PIN4: variants seen among roughly 807,000 people sequenced by gnomAD.
The protein encoded by PIN4 is peptidylprolyl cis/trans isomerase, NIMA-interacting 4.
A neutral mutation model predicts 8.3 loss-of-function variants in PIN4; 3 were observed. That is an observed-to-expected ratio of 0.36 (90% CI 0.16 to 0.93). The LOEUF (loss-of-function observed/expected upper bound fraction) is 0.93. Ranked by LOEUF, PIN4 falls within the 40% of genes least tolerant of loss-of-function variation. The pLI is 0.44. For synonymous variants in PIN4, 18 were observed against 32.5 expected (o/e 0.55, Z 1.52); for missense variants, 75 against 100.6 (o/e 0.75, Z 1.09).
chrX:72,189,201 C>T (rs572983315), intron 2 of PIN4, among the ~76,000 whole-genome samples: 1 of 111,198 alleles, frequency 9.0e-6, no homozygotes, highest in Admixed American at 9.6e-5. Flanking sequence ...AGAAATAATA[C>T]GTATTCCTTT....
chrX:72,213,191 GCTGA>G (rs769493553), intron 3 of PIN4, among the ~76,000 whole-genome samples: 2 of 111,211 alleles, frequency 1.8e-5, no homozygotes, highest in Non-Finnish European at 3.8e-5. Flanking sequence ...GATTTCCTAG[GCTGA>G]CTAAGAATTC....
intron 3 of PIN4, among the ~76,000 whole-genome samples, chrX:72,228,863 C>G (rs1291714892): frequency 9.0e-6 from 1 of 111,429 alleles, no homozygotes; most frequent in Non-Finnish European, 1.9e-5. Flanking sequence ...TGCGAACTAA[C>G]TCTTCCTTTG....
chrX:72,257,745 C>T (rs774354690), intron 3 of PIN4, among the ~76,000 whole-genome samples: 18 of 111,396 alleles, frequency 1.6e-4, no homozygotes, highest in African/African-American at 4.9e-4. Flanking sequence ...TGGGCTATAC[C>T]CCTGCCCTTC....
intron 3 of PIN4, among the ~76,000 whole-genome samples, chrX:72,230,635 C>T (rs763966123): frequency 2.7e-5 from 3 of 112,032 alleles, no homozygotes; most frequent in East Asian, 5.6e-4. Context: ...GAAAAGGGAA[C>T]GCTTGTATAC....
intron 3 of PIN4, chrX:72,206,681 A>C: frequency 8.3e-7 from 1 of 1,211,415 alleles, no homozygotes; most frequent in Non-Finnish European, 1.1e-6. Flanking sequence ...TGTTGAATAT[A>C]GTGAGATTCT....
chrX:72,205,067 G>A lies in PIN4; in HGVS notation c.312+8163G>A, dbSNP rs749928252. 7.4e-5 allele frequency: 89 copies of A among 1,208,775 alleles called. 1 individual carries two copies. In the Admixed American group the frequency reaches 1.8e-3, roughly 25 times the overall value. On this transcript the variant is annotated intron_variant, in intron 3 of 3. Transcript: ENST00000423432. ...CTTAAAGTCAAGAGCATAACTTCAG[G>A]ATCTGCACTTTTTATGTCAAGCGCT...
chrX:72,232,582 G>A (rs896472549), intron 3 of PIN4, among the ~76,000 whole-genome samples: 4 of 112,236 alleles, frequency 3.6e-5, no homozygotes, highest in African/African-American at 1.3e-4. Context: ...GCCAAGGCAG[G>A]CAGATCACCT....
At chrX:72,250,668 A>G (rs2043082750) in intron 3 of PIN4, among the ~76,000 whole-genome samples, 1 of 109,495 alleles carries the variant, frequency 9.1e-6, no homozygotes, top group African/African-American at 3.3e-5. Context: ...GGGCAACATA[A>G]TGAGACCCGT....
intron 3 of PIN4, among the ~76,000 whole-genome samples, chrX:72,261,778 TAA>T (rs1458616442): frequency 9.1e-6 from 1 of 109,415 alleles, no homozygotes; most frequent in African/African-American, 3.3e-5. Context: ...TATTGTATTA[TAA>T]GTTATTATTG....
Position 72,197,933 on chromosome X carries a change from A to G in PIN4, c.*407A>G. 1.3e-6 allele frequency: 1 copy of G among 756,168 alleles called. No individual in the cohort carries two copies. Among genetic ancestry groups the G allele is most frequent in the Non-Finnish European group, 1.6e-6 (1 of 638,166 alleles). 62.3% of individuals were successfully genotyped at this position (756,168 alleles called of 1,213,427 possible). ...TAGATTAGTGTGTGAGAATCATAAAATAAGTTCCTAGACAACATTTGTTTT... is the reference window on the plus strand; with the variant it reads ...TAGATTAGTGTGTGAGAATCATAAAGTAAGTTCCTAGACAACATTTGTTTT... On this transcript the variant is annotated 3_prime_UTR_variant, in exon 4 of 4. Transcript: ENST00000373669.
intron 2 of PIN4, among the ~76,000 whole-genome samples, chrX:72,189,829 T>G (rs1569488353): frequency 9.0e-6 from 1 of 111,482 alleles, no homozygotes; most frequent in Non-Finnish European, 1.9e-5. Flanking sequence ...ATTCACCTGT[T>G]GAAGGACAGC....
At chrX:72,206,983 T>C in intron 3 of PIN4, 1 of 1,211,338 alleles carries the variant, frequency 8.3e-7, no homozygotes, top group Non-Finnish European at 1.1e-6. Context: ...CTGTCTTCTG[T>C]ATATTTTTTC....
downstream of PIN4, among the ~76,000 whole-genome samples, chrX:72,202,397 G>GT (rs1270091243): frequency 8.9e-6 from 1 of 112,582 alleles, no homozygotes; most frequent in Non-Finnish European, 1.9e-5. Context: ...ACGCTTCACT[G>GT]TTCAGATCAA....
intron 3 of PIN4, among the ~76,000 whole-genome samples, chrX:72,257,887 G>A (rs1354330093): frequency 2.7e-5 from 3 of 111,973 alleles, no homozygotes; most frequent in African/African-American, 6.5e-5. Flanking sequence ...GGCTGGCACA[G>A]ACTAGGTGCT....
chrX:72,202,301 C>CTAAACAA (rs755609895), downstream of PIN4, among the ~76,000 whole-genome samples: 4 of 112,429 alleles, frequency 3.6e-5, no homozygotes, highest in South Asian at 1.5e-3. Flanking sequence ...ATTTTTTTCC[C>CTAAACAA]CAAACAACAG....
intron 3 of PIN4, among the ~76,000 whole-genome samples, chrX:72,226,774 C>T (rs1297970532): frequency 9.0e-6 from 1 of 111,603 alleles, no homozygotes; most frequent in Non-Finnish European, 1.9e-5. Context: ...CCAAATACAG[C>T]AACTAATCAC....
chrX:72,251,025 C>T (rs1484709523), intron 3 of PIN4, among the ~76,000 whole-genome samples: 1 of 106,965 alleles, frequency 9.3e-6, no homozygotes, highest in Non-Finnish European at 1.9e-5. Flanking sequence ...CAGGCATGAG[C>T]CACCACGCCC....
At chrX:72,249,387 G>A (rs1197752245) in intron 3 of PIN4, among the ~76,000 whole-genome samples, 1 of 112,000 alleles carries the variant, frequency 8.9e-6, no homozygotes. Flanking sequence ...CAACCACTTT[G>A]GAAACCAGCA....
chrX:72,262,753 G>T, exon 4 of PIN4: 1 of 1,149,723 alleles, frequency 8.7e-7, no homozygotes, highest in Non-Finnish European at 1.2e-6. Context: ...GACCTGAGAA[G>T]CACCCTCATC....
Sources: allele counts gnomAD v4.1 joint callset (sites outside exome capture counted in the v4.1 genomes callset), GRCh38; gene constraint gnomAD v4.1.1; transcripts MANE v1.5; gene names NCBI Gene and HGNC (gene_info 2026-07-23, HGNC 2026-07-21).